The following GPC5 variants were observed in gnomAD, a reference collection of about 807,000 sequenced individuals.
GPC5 encodes glypican 5, also known as glypican-5.
GPC5 carries 47 observed loss-of-function variants against 53.9 expected under a neutral mutation model. That is an observed-to-expected ratio of 0.87 (90% CI 0.69 to 1.11). The LOEUF (loss-of-function observed/expected upper bound fraction) is 1.11, where lower values mean the gene tolerates loss of function less well. GPC5 is among the 50% of genes most tolerant of loss of function. GPC5 has a pLI of 0.00. For missense variants in GPC5, 748 were observed against 713.1 expected, an observed-to-expected ratio of 1.05 and a Z score of -0.56; for synonymous variants, 286 against 263.3, an observed-to-expected ratio of 1.09 and a Z score of -0.84.
chr13:92,280,340 T>C (rs1208820455), intron 7 of GPC5, among the ~76,000 whole-genome samples: 1 of 152,176 alleles, frequency 6.6e-6, no homozygotes, highest in Non-Finnish European at 1.5e-5. Context: ...TTTTTCTACT[T>C]TATCTTTGAT....
chr13:92,466,744 G>GT (rs1878706330), intron 7 of GPC5, among the ~76,000 whole-genome samples: 1 of 152,098 alleles, frequency 6.6e-6, no homozygotes, highest in Admixed American at 6.6e-5. Context: ...GGTTTAAGCA[G>GT]TTGTTGGTGG....
chr13:91,767,499 C>T (rs1416070345), intron 5 of GPC5, among the ~76,000 whole-genome samples: 1 of 152,154 alleles, frequency 6.6e-6, no homozygotes, highest in East Asian at 1.9e-4. Flanking sequence ...TTTCTGAAGC[C>T]AGGCTAAATT....
chr13:91,937,738 C>T (rs1164235833), intron 6 of GPC5, among the ~76,000 whole-genome samples: 5 of 151,938 alleles, frequency 3.3e-5, no homozygotes, highest in East Asian at 1.9e-4. Context: ...TTATTTAGAC[C>T]GGATAAGACA....
chr13:92,396,101 T>C (rs1001049519), intron 7 of GPC5, among the ~76,000 whole-genome samples: 58 of 152,286 alleles, frequency 3.8e-4, no homozygotes, highest in African/African-American at 1.2e-3. Context: ...TTATACTATC[T>C]GAAATTATCC....
chr13:92,675,787 C>T (rs1336908218), intron 7 of GPC5, among the ~76,000 whole-genome samples: 2 of 152,040 alleles, frequency 1.3e-5, no homozygotes, highest in Non-Finnish European at 2.9e-5. Context: ...ATGTAATATT[C>T]ATATAGCAGA....
At chr13:92,208,834 A>T (rs1347673389) in intron 7 of GPC5, among the ~76,000 whole-genome samples, 1 of 152,222 alleles carries the variant, frequency 6.6e-6, no homozygotes, top group Non-Finnish European at 1.5e-5. Context: ...TAATTTATAG[A>T]TCTGTTCTAA....
At chr13:92,125,208 GAAAT>G (rs1359426337) in intron 6 of GPC5, among the ~76,000 whole-genome samples, 1 of 152,132 alleles carries the variant, frequency 6.6e-6, no homozygotes, top group Non-Finnish European at 1.5e-5. Context: ...AGTGAATTTG[GAAAT>G]AAATAATTCC....
intron 7 of GPC5, among the ~76,000 whole-genome samples, chr13:92,593,418 CAA>C (rs1883776634): frequency 6.6e-6 from 1 of 150,884 alleles, no homozygotes; most frequent in African/African-American, 2.4e-5. Context: ...TGTGGGGTAT[CAA>C]GAGTTCTTTT....
chr13:92,173,189 G>A (rs1197894156), intron 7 of GPC5, among the ~76,000 whole-genome samples: 3 of 151,872 alleles, frequency 2.0e-5, no homozygotes, highest in Non-Finnish European at 4.4e-5. Flanking sequence ...AGTCATTAAT[G>A]GATTTTTTTT....
intron 7 of GPC5, among the ~76,000 whole-genome samples, chr13:92,532,028 C>CT (rs1881583024): frequency 6.6e-6 from 1 of 152,094 alleles, no homozygotes; most frequent in Non-Finnish European, 1.5e-5. Flanking sequence ...TTTTCTCACC[C>CT]TGGGTCTACT....
intron 2 of GPC5, among the ~76,000 whole-genome samples, chr13:91,584,511 A>C (rs973113711): frequency 6.6e-6 from 1 of 152,312 alleles, no homozygotes; most frequent in African/African-American, 2.4e-5. Context: ...AGGATAAGGA[A>C]TACTTTTTTT....
chr13:92,146,338 G>A (rs531052629), intron 7 of GPC5, among the ~76,000 whole-genome samples: 1 of 151,888 alleles, frequency 6.6e-6, no homozygotes, highest in South Asian at 2.1e-4. Flanking sequence ...ATGTATTTGG[G>A]AATTAGCAAG....
chr13:91,807,608 A>G (rs2038242319), intron 5 of GPC5, among the ~76,000 whole-genome samples: 1 of 152,140 alleles, frequency 6.6e-6, no homozygotes, highest in Non-Finnish European at 1.5e-5. Flanking sequence ...TTTGTTTTCT[A>G]TTGTAAATTT....
chr13:91,891,196 A>T (rs1273803473), intron 5 of GPC5, among the ~76,000 whole-genome samples: 1 of 152,122 alleles, frequency 6.6e-6, no homozygotes, highest in Non-Finnish European at 1.5e-5. Context: ...TAACAGATGT[A>T]TTAAAGATTT....
intron 5 of GPC5, among the ~76,000 whole-genome samples, chr13:91,836,615 A>G (rs1049362675): frequency 2.0e-4 from 30 of 152,138 alleles, no homozygotes; most frequent in Middle Eastern, 3.4e-3. Flanking sequence ...TGTGAATTCA[A>G]TCTTAAGGTA....
chr13:92,076,912 T>C (rs1424420656), intron 6 of GPC5, among the ~76,000 whole-genome samples: 4 of 152,120 alleles, frequency 2.6e-5, no homozygotes, highest in Non-Finnish European at 5.9e-5. Context: ...ATAGGAAATA[T>C]TTGTTATCTA....
At chr13:91,557,942 G>C (rs138303978) in intron 2 of GPC5, among the ~76,000 whole-genome samples, 1 of 152,104 alleles carries the variant, frequency 6.6e-6, no homozygotes, top group East Asian at 1.9e-4. Flanking sequence ...CCAGAAAAAC[G>C]TGGGATTGAG....
Position 92,291,274 on chromosome 13 carries a change from T to G in GPC5, c.1561+146285T>G, listed in dbSNP as rs2042993543. On this transcript the variant is annotated intron_variant, in intron 7 of 7. Transcript: ENST00000377067. ...ACAGGCAGCTCCACCTGCCGCCCTG[T>G]GCAGGATCCACTGGGTGAAGCCAGC... Among the ~76,000 whole-genome samples, 3 of 152,284 alleles carry G rather than the reference T, an allele frequency of 2.0e-5. No individual in the cohort carries two copies. In the East Asian group the frequency reaches 5.8e-4, roughly 30 times the overall value.
chr13:91,803,777 G>GAC lies in GPC5; in HGVS notation c.1280+47359_1280+47360dup, dbSNP rs200458829. Reference sequence around the variant, plus strand: ...CATATATAACAGAGACAGACAGACAGACAGACACACACACACACACACACA... The same window carrying GAC: ...CATATATAACAGAGACAGACAGACAGACACAGACACACACACACACACACACA... On this transcript the variant is annotated intron_variant, in intron 5 of 7. Transcript: ENST00000377067. Among the ~76,000 whole-genome samples, 42 of 113,806 alleles carry GAC rather than the reference G, an allele frequency of 3.7e-4. 1 individual carries two copies. In the South Asian group the frequency reaches 4.0e-3, roughly 11 times the overall value. 74.7% of individuals were successfully genotyped at this position (113,806 alleles called of 152,430 possible).
Sources: gnomAD v4.1 joint callset for allele counts (sites outside exome capture counted in the v4.1 genomes callset) on GRCh38, gnomAD v4.1.1 for gene constraint, MANE v1.5 for transcripts, NCBI Gene and HGNC (gene_info 2026-07-23, HGNC 2026-07-21) for gene names.